Variants in RBFOX3 observed in about 807,000 individuals in gnomAD.
RBFOX3 encodes RNA binding fox-1 homolog 3, also known as RNA binding protein fox-1 homolog 3.
A neutral mutation model predicts 48.7 loss-of-function variants in RBFOX3; 17 were observed. The ratio of observed to expected loss-of-function variants is 0.35; its 90% CI spans 0.24 to 0.52. The LOEUF (loss-of-function observed/expected upper bound fraction) is 0.52, where lower values mean the gene tolerates loss of function less well. RBFOX3 is among the 20% of genes least tolerant of loss of function. The probability of loss-of-function intolerance (pLI) is 0.94; values close to 1 mark genes in which losing one functional copy is unlikely to be tolerated. For synonymous variants in RBFOX3, 212 were observed against 209.5 expected, an observed-to-expected ratio of 1.01 and a Z score of -0.10; for missense variants, 382 against 497.5, an observed-to-expected ratio of 0.77 and a Z score of 2.21.
intron 2 of RBFOX3, among the ~76,000 whole-genome samples, chr17:79,326,828 C>T (rs1349231505): frequency 6.6e-6 from 1 of 152,234 alleles, no homozygotes; most frequent in Non-Finnish European, 1.5e-5. Context: ...AGATTTCTCC[C>T]ATTTCTACAG....
chr17:79,384,453 G>A (rs182403127), intron 2 of RBFOX3, among the ~76,000 whole-genome samples: 1 of 152,206 alleles, frequency 6.6e-6, no homozygotes, highest in East Asian at 1.9e-4. Context: ...TTCTTGCAGG[G>A]TGACTGCACA....
intron 2 of RBFOX3, among the ~76,000 whole-genome samples, chr17:79,317,119 T>C (rs2077644089): frequency 6.6e-6 from 1 of 151,730 alleles, no homozygotes; most frequent in African/African-American, 2.4e-5. Flanking sequence ...ACTCCTCCCA[T>C]CTCCCCCACG....
At chr17:79,226,124 G>A (rs942125921) in intron 4 of RBFOX3, among the ~76,000 whole-genome samples, 2 of 152,212 alleles carry the variant, frequency 1.3e-5, no homozygotes, top group Non-Finnish European at 2.9e-5. Flanking sequence ...CACATCATGG[G>A]ATATGTCTAG....
chr17:79,538,276 A>G (rs1555789276), intron 1 of RBFOX3, among the ~76,000 whole-genome samples: 1 of 152,240 alleles, frequency 6.6e-6, no homozygotes, highest in Admixed American at 6.5e-5. Context: ...TGCCTGGCAC[A>G]CAGCAGGAAC....
At chr17:79,368,682 C>T (rs1180387399) in intron 2 of RBFOX3, among the ~76,000 whole-genome samples, 2 of 152,162 alleles carry the variant, frequency 1.3e-5, no homozygotes, top group Admixed American at 6.5e-5. Flanking sequence ...CAGAGGTCCT[C>T]GCACACCAGC....
At chr17:79,225,649 A>AG (rs1382265817) in intron 4 of RBFOX3, among the ~76,000 whole-genome samples, 9 of 152,116 alleles carry the variant, frequency 5.9e-5, no homozygotes, top group Admixed American at 2.6e-4. Context: ...CTCACAGCCA[A>AG]GGGGAGCGTG....
chr17:79,459,020 G>T (rs1375699209), intron 2 of RBFOX3, among the ~76,000 whole-genome samples: 1 of 152,136 alleles, frequency 6.6e-6, no homozygotes, highest in African/African-American at 2.4e-5. Flanking sequence ...TGCCCACTTC[G>T]TCCTTCTCAG....
intron 2 of RBFOX3, among the ~76,000 whole-genome samples, chr17:79,448,879 T>C (rs1555739831): frequency 6.6e-6 from 1 of 152,118 alleles, no homozygotes. Flanking sequence ...AGACCCCTCA[T>C]GCAGGTTCCC....
At position 79,130,929 on chromosome 17, in the gene RBFOX3, C is replaced by T. The variant is rs577819073; in HGVS notation, c.-33-15181G>A. The stretch of plus-strand genomic sequence containing the variant: ...CGCCGTGGTGCTAGGACACGGTGCG[C>T]GGGAATCAGCCCCGCACCTGCAAGG... On this transcript the variant is annotated intron_variant, in intron 4 of 14. Transcript: ENST00000693108. Among the ~76,000 whole-genome samples the T allele has an allele frequency of 2.2e-3, 338 of 152,372 alleles. 1 individual carries two copies. The highest frequency in any genetic ancestry group is 7.9e-3 in the African/African-American group (327 of 41,594).
At chr17:79,196,653 T>A (rs1276537838) in intron 4 of RBFOX3, among the ~76,000 whole-genome samples, 2 of 152,166 alleles carry the variant, frequency 1.3e-5, no homozygotes, top group African/African-American at 4.8e-5. Context: ...TTCACCCGGA[T>A]GGACTGCACT....
intron 4 of RBFOX3, among the ~76,000 whole-genome samples, chr17:79,162,820 G>A (rs1175583235): frequency 6.6e-6 from 1 of 152,184 alleles, no homozygotes; most frequent in South Asian, 2.1e-4. Context: ...AGAGCCGGGA[G>A]GGGTAGAGGA....
chr17:79,557,848 C>G (rs933009553), intron 1 of RBFOX3, among the ~76,000 whole-genome samples: 1 of 152,200 alleles, frequency 6.6e-6, no homozygotes, highest in Non-Finnish European at 1.5e-5. Context: ...TGGAAGACAA[C>G]AGACAGGTCA....
At chr17:79,341,684 G>T (rs2082115151) in intron 2 of RBFOX3, among the ~76,000 whole-genome samples, 1 of 152,124 alleles carries the variant, frequency 6.6e-6, no homozygotes, top group Admixed American at 6.5e-5. Context: ...CCCTTGGTGT[G>T]TGCATGGGGG....
intron 9 of RBFOX3, chr17:79,097,954 G>T (rs529960669): frequency 1.8e-4 from 105 of 590,694 alleles, no homozygotes; most frequent in African/African-American, 1.5e-3. Flanking sequence ...TTCTGCCTGG[G>T]GGTCTGCTAG....
intron 4 of RBFOX3, among the ~76,000 whole-genome samples, chr17:79,163,305 G>C (rs1339124892): frequency 3.9e-5 from 6 of 152,216 alleles, no homozygotes; most frequent in African/African-American, 1.2e-4. Flanking sequence ...CAGGCCCGGG[G>C]CCTCACGGCC....
At chr17:79,167,948 G>GTT in intron 4 of RBFOX3, among the ~76,000 whole-genome samples, 1 of 152,228 alleles carries the variant, frequency 6.6e-6, no homozygotes, top group African/African-American at 2.4e-5. Context: ...GCCTCCCCCA[G>GTT]GTAAAAGCCC....
chr17:79,552,086 C>A (rs2091210502), intron 1 of RBFOX3, among the ~76,000 whole-genome samples: 1 of 152,040 alleles, frequency 6.6e-6, no homozygotes, highest in South Asian at 2.1e-4. Flanking sequence ...ATATTTTGAA[C>A]AATAAGAGTT....
At chr17:79,206,911 T>C (rs1352069002) in intron 4 of RBFOX3, among the ~76,000 whole-genome samples, 3 of 152,306 alleles carry the variant, frequency 2.0e-5, no homozygotes, top group African/African-American at 7.2e-5. Context: ...TGGAATGGCT[T>C]TCTTCCTCCC....
intron 2 of RBFOX3, among the ~76,000 whole-genome samples, chr17:79,349,965 G>C (rs1179261744): frequency 1.3e-5 from 2 of 152,110 alleles, no homozygotes; most frequent in South Asian, 2.1e-4. Context: ...GCTCCAGGAG[G>C]AGAGGCTCCA....
Sources: allele counts gnomAD v4.1 joint callset (sites outside exome capture counted in the v4.1 genomes callset), GRCh38; gene constraint gnomAD v4.1.1; transcripts MANE v1.5; gene names NCBI Gene and HGNC (gene_info 2026-07-23, HGNC 2026-07-21).